Variants in PM20D2 observed in about 807,000 individuals in gnomAD.
PM20D2 encodes the protein xaa-Arg dipeptidase.
PM20D2 carries 33 observed loss-of-function variants against 42.9 expected under a neutral mutation model. The ratio of observed to expected loss-of-function variants is 0.77; its 90% confidence interval spans 0.58 to 1.03. PM20D2 has a LOEUF of 1.03. Ranked by LOEUF, PM20D2 falls within the 50% of genes least tolerant of loss-of-function variation. The probability of loss-of-function intolerance (pLI) is 0.00; values close to 1 mark genes in which losing one functional copy is unlikely to be tolerated. For synonymous variants in PM20D2, 250 were observed against 228.2 expected (o/e 1.10, Z -0.86); for missense variants, 548 against 557.0 (o/e 0.98, Z 0.16).
chr6:89,104,457 T>C, the PM20D2 span, among the ~76,000 whole-genome samples: 99,078 of 151,530 alleles, frequency 0.65, 33,170 homozygotes, highest in East Asian at 0.78. Context: ...AGTTTGGTCT[T>C]GAACTCCTGA....
the PM20D2 span, among the ~76,000 whole-genome samples, chr6:89,119,108 G>C: frequency 1.3e-5 from 2 of 152,220 alleles, no homozygotes; most frequent in Admixed American, 1.3e-4. Flanking sequence ...GGCTGTGGAG[G>C]TTCCTGGGTC....
At chr6:89,134,291 C>T in the PM20D2 span, among the ~76,000 whole-genome samples, 3 of 151,386 alleles carry the variant, frequency 2.0e-5, no homozygotes, top group Admixed American at 2.0e-4. Context: ...AACTCCTCTA[C>T]ATTCCTATGC....
chr6:89,123,999 T>C, the PM20D2 span, among the ~76,000 whole-genome samples: 1 of 152,190 alleles, frequency 6.6e-6, no homozygotes, highest in African/African-American at 2.4e-5. Flanking sequence ...TTCGTGCCAC[T>C]GCACTCTAGC....
chr6:89,144,694 C>T (rs191831872), upstream of PM20D2, among the ~76,000 whole-genome samples: 5 of 152,312 alleles, frequency 3.3e-5, no homozygotes, highest in Admixed American at 2.0e-4. Context: ...CAAATGTCAC[C>T]TATTGCTTTT....
At chr6:89,132,769 C>T in the PM20D2 span, among the ~76,000 whole-genome samples, 3 of 150,772 alleles carry the variant, frequency 2.0e-5, no homozygotes, top group Admixed American at 6.6e-5. Context: ...ACCCAGGAGG[C>T]AGAGGTTGCA....
chr6:89,120,792 G>C, the PM20D2 span, among the ~76,000 whole-genome samples: 1 of 152,140 alleles, frequency 6.6e-6, no homozygotes, highest in Non-Finnish European at 1.5e-5. Context: ...AGGATTGCTT[G>C]AGCCCAGGAG....
At chr6:89,133,995 C>G in the PM20D2 span, among the ~76,000 whole-genome samples, 1 of 151,312 alleles carries the variant, frequency 6.6e-6, no homozygotes, top group African/African-American at 2.5e-5. Flanking sequence ...CAGACCTTGA[C>G]CCAACGACGG....
the PM20D2 span, among the ~76,000 whole-genome samples, chr6:89,139,869 T>C: frequency 4.6e-5 from 7 of 152,294 alleles, no homozygotes; most frequent in African/African-American, 1.7e-4. Context: ...GTGCAAGGTA[T>C]GATGTAATGC....
At chr6:89,140,228 A>T in the PM20D2 span, among the ~76,000 whole-genome samples, 2 of 152,246 alleles carry the variant, frequency 1.3e-5, no homozygotes, top group Non-Finnish European at 2.9e-5. Context: ...GATTACAGGC[A>T]TGAAGCACCA....
chr6:89,097,253 T>C, the PM20D2 span: 1 of 152,212 alleles, frequency 6.6e-6, no homozygotes, highest in Non-Finnish European at 1.5e-5. Flanking sequence ...GTTTTCATAA[T>C]GTAAGTCACA....
chr6:89,147,038 A>G (rs188584565), intron 1 of PM20D2, among the ~76,000 whole-genome samples: 62 of 152,312 alleles, frequency 4.1e-4, no homozygotes, highest in Middle Eastern at 3.4e-3. Context: ...TCGTCTCCAA[A>G]TAAATCTTTT....
the PM20D2 span, among the ~76,000 whole-genome samples, chr6:89,134,729 G>A: frequency 5.3e-5 from 8 of 151,168 alleles, 1 homozygote; most frequent in African/African-American, 1.7e-4. Flanking sequence ...ACTCTCTCAG[G>A]TGGGGTTCCT....
chr6:89,165,310 A>G lies in PM20D2; in HGVS notation c.*3047A>G, dbSNP rs552280884. The stretch of plus-strand genomic sequence containing the variant: ...AAAACTATCAAATTTTTGTTATAAG[A>G]TAAATGTTATCTTTGTACTAGATAG... On this transcript the variant is annotated 3_prime_UTR_variant, in exon 7 of 7. Coordinates refer to ENST00000275072, the MANE Select transcript of PM20D2 (RefSeq NM_001010853.3). The G allele has an allele frequency of 3.3e-5, 5 of 152,180 alleles. No homozygotes were observed. Among genetic ancestry groups the G allele is most frequent in the Non-Finnish European group, 7.4e-5 (5 of 68,024 alleles). 9.4% of individuals were successfully genotyped at this position (152,180 alleles called of 1,614,324 possible).
chr6:89,100,535 A>C, the PM20D2 span, among the ~76,000 whole-genome samples: 3 of 143,580 alleles, frequency 2.1e-5, no homozygotes, highest in African/African-American at 7.7e-5. Flanking sequence ...AAAAAAAAAA[A>C]ACAGGCAAGA....
At chr6:89,108,872 T>G in the PM20D2 span, among the ~76,000 whole-genome samples, 22 of 152,164 alleles carry the variant, frequency 1.4e-4, no homozygotes, top group African/African-American at 5.3e-4. Flanking sequence ...ACATATAAGA[T>G]TCAACAAAAA....
the PM20D2 span, among the ~76,000 whole-genome samples, chr6:89,133,302 G>A: frequency 4.0e-5 from 6 of 150,924 alleles, no homozygotes; most frequent in African/African-American, 1.2e-4. Context: ...AATGACATTC[G>A]ATAAAACTTT....
intron 2 of PM20D2, among the ~76,000 whole-genome samples, chr6:89,150,992 A>G (rs1178824816): frequency 6.6e-6 from 1 of 151,572 alleles, no homozygotes; most frequent in Non-Finnish European, 1.5e-5. Context: ...CATCTCTACT[A>G]AAAATACAAA....
At position 89,162,726 on chromosome 6, in the gene PM20D2, A is replaced by G. The variant is rs1477190956; in HGVS notation, c.*463A>G. On this transcript the variant is annotated 3_prime_UTR_variant, in exon 7 of 7. Transcript: ENST00000275072. ...GGTGGTAAACTTGTTCTCTAATCGTATATTAATTCCTCTACCAGATTGTAT... is the reference window on the plus strand; with the variant it reads ...GGTGGTAAACTTGTTCTCTAATCGTGTATTAATTCCTCTACCAGATTGTAT... 1 of 152,628 alleles carries G rather than the reference A, an allele frequency of 6.6e-6. No individual in the cohort carries two copies. The highest frequency in any genetic ancestry group is 1.5e-5 in the Non-Finnish European group (1 of 68,442). 9.5% of individuals were successfully genotyped at this position (152,628 alleles called of 1,614,324 possible).
intron 1 of PM20D2, 107 bp downstream of exon 1, chr6:89,146,716 C>T: frequency 1.1e-6 from 1 of 952,332 alleles, no homozygotes; most frequent in Non-Finnish European, 1.4e-6. Flanking sequence ...CCCTCCCGCC[C>T]GGGGCAGGTG....
Sources: gnomAD v4.1 joint callset for allele counts (sites outside exome capture counted in the v4.1 genomes callset) on GRCh38, gnomAD v4.1.1 for gene constraint, MANE v1.5 for transcripts, NCBI Gene and HGNC (gene_info 2026-07-23, HGNC 2026-07-21) for gene names.